Variants in SLC16A12 observed in about 807,000 individuals in gnomAD.
SLC16A12 encodes monocarboxylate transporter 12.
Under a neutral mutation model 42.4 loss-of-function variants are expected in SLC16A12, and 17 were observed. The observed-to-expected ratio is 0.40, with a 90% CI of 0.27 to 0.60. The LOEUF (loss-of-function observed/expected upper bound fraction) is 0.60. Ranked by LOEUF, SLC16A12 falls within the 20% of genes least tolerant of loss-of-function variation. The probability of loss-of-function intolerance (pLI) is 0.42; values close to 1 mark genes in which losing one functional copy is unlikely to be tolerated. For missense variants in SLC16A12, 544 were observed against 623.0 expected, an observed-to-expected ratio of 0.87 and a Z score of 1.35; for synonymous variants, 224 against 229.4, an observed-to-expected ratio of 0.98 and a Z score of 0.21.
At chr10:89,505,612 A>C (rs1322184297) in intron 2 of SLC16A12, among the ~76,000 whole-genome samples, 1 of 152,134 alleles carries the variant, frequency 6.6e-6, no homozygotes, top group African/African-American at 2.4e-5. Context: ...GAGCCGAAGC[A>C]GAGTGGGGTG....
At chr10:89,554,014 GAGAA>G (rs1564607034) in intron 2 of SLC16A12, among the ~76,000 whole-genome samples, 2 of 125,064 alleles carry the variant, frequency 1.6e-5, no homozygotes, top group East Asian at 2.4e-4. Context: ...GAAAGAAAGA[GAGAA>G]AGAAAGAGAG....
intron 2 of SLC16A12, among the ~76,000 whole-genome samples, chr10:89,547,218 T>A (rs1486760861): frequency 6.6e-6 from 1 of 152,148 alleles, no homozygotes; most frequent in Non-Finnish European, 1.5e-5. Flanking sequence ...TATAAGAGTA[T>A]AAGGGAAAAA....
chr10:89,552,222 C>T (rs536973743), intron 2 of SLC16A12, among the ~76,000 whole-genome samples: 175 of 152,324 alleles, frequency 1.1e-3, no homozygotes, highest in African/African-American at 4.0e-3. Context: ...GCGTGAGCCA[C>T]TCACGCCTGG....
chr10:89,488,730 C>A (rs189664011), intron 2 of SLC16A12, among the ~76,000 whole-genome samples: 2 of 152,324 alleles, frequency 1.3e-5, no homozygotes, highest in Non-Finnish European at 2.9e-5. Context: ...GAAGGACCAA[C>A]CCCTAACCTT....
chr10:89,495,288 A>G (rs1589705449), intron 2 of SLC16A12, among the ~76,000 whole-genome samples: 1 of 152,126 alleles, frequency 6.6e-6, no homozygotes, highest in East Asian at 1.9e-4. Flanking sequence ...TAGGAGGCGG[A>G]GGTTGCAGTA....
chr10:89,456,567 G>C (rs149044890), intron 3 of SLC16A12, among the ~76,000 whole-genome samples: 1 of 151,642 alleles, frequency 6.6e-6, no homozygotes, highest in Admixed American at 6.6e-5. Context: ...TAAGTTCTAG[G>C]TTACTTGTGC....
intron 2 of SLC16A12, among the ~76,000 whole-genome samples, chr10:89,548,588 G>C (rs1843754010): frequency 6.6e-6 from 1 of 152,140 alleles, no homozygotes; most frequent in African/African-American, 2.4e-5. Flanking sequence ...GGCTGAGGCG[G>C]GTGGATCACT....
At chr10:89,506,065 C>T (rs991449609) in intron 2 of SLC16A12, among the ~76,000 whole-genome samples, 2 of 152,318 alleles carry the variant, frequency 1.3e-5, no homozygotes, top group Admixed American at 6.5e-5. Context: ...CAAAAGGCAG[C>T]GGCCCCACTC....
intron 7 of SLC16A12, 88 bp downstream of exon 7, chr10:89,435,960 TCTCTTGACAGTC>T: frequency 6.5e-7 from 1 of 1,534,976 alleles, no homozygotes; most frequent in East Asian, 2.3e-5. Flanking sequence ...CTTCCCCAAC[TCTCTTGACAGTC>T]CTTCTCATTG....
chr10:89,439,288 C>A, intron 5 of SLC16A12, 105 bp from the exon 6 acceptor site: 1 of 1,149,284 alleles, frequency 8.7e-7, no homozygotes, highest in Admixed American at 2.4e-5. Flanking sequence ...CTCATTAAAC[C>A]CTTTTAAAGC....
intron 2 of SLC16A12, among the ~76,000 whole-genome samples, chr10:89,547,966 CAAAAA>C (rs60543445): frequency 2.5e-5 from 2 of 81,622 alleles, no homozygotes; most frequent in Admixed American, 1.5e-4. Context: ...CCAGCCTGGG[CAAAAA>C]AAAAAAAAAA....
intron 2 of SLC16A12, among the ~76,000 whole-genome samples, chr10:89,492,531 G>C (rs991254702): frequency 2.0e-5 from 3 of 152,062 alleles, no homozygotes; most frequent in Non-Finnish European, 4.4e-5. Context: ...CTGAGGTCAG[G>C]AGTTCGAGAC....
intron 2 of SLC16A12, among the ~76,000 whole-genome samples, chr10:89,473,313 G>T (rs574782598): frequency 2.2e-4 from 33 of 152,262 alleles, no homozygotes; most frequent in African/African-American, 7.9e-4. Context: ...CATTATATTA[G>T]TGGAACGGAA....
chr10:89,553,996 AAAAG>A (rs769163782), intron 2 of SLC16A12, among the ~76,000 whole-genome samples: 7 of 149,946 alleles, frequency 4.7e-5, no homozygotes, highest in East Asian at 2.0e-4. Context: ...CTCCATCTCA[AAAAG>A]AAAGAAAGAA....
chr10:89,490,978 C>A (rs1459784168), intron 2 of SLC16A12, among the ~76,000 whole-genome samples: 1 of 152,174 alleles, frequency 6.6e-6, no homozygotes, highest in Non-Finnish European at 1.5e-5. Flanking sequence ...GAACTGGAGA[C>A]AAAAACCAAA....
intron 2 of SLC16A12, among the ~76,000 whole-genome samples, chr10:89,532,342 C>T (rs1302307914): frequency 6.6e-6 from 1 of 152,164 alleles, no homozygotes; most frequent in African/African-American, 2.4e-5. Context: ...GAAATTGTGA[C>T]TGTTCCCCAA....
chr10:89,468,772 A>G lies in SLC16A12; in HGVS notation c.-46-6148T>C, dbSNP rs186016936. Among the ~76,000 whole-genome samples the G allele has an allele frequency of 6.3e-3, 955 of 152,296 alleles. 11 individuals are homozygous for G. Among genetic ancestry groups the G allele is most frequent in the Non-Finnish European group, 7.3e-3 (495 of 68,018 alleles). On this transcript the variant is annotated intron_variant, in intron 2 of 7. Coordinates refer to ENST00000371790, the MANE Select transcript of SLC16A12 (RefSeq NM_213606.4). Reference sequence around the variant, plus strand: ...ATTCTCCCACAACATTAACCTGAGCATTCTTGTAAATAATTAACCCACCTG... The same window carrying G: ...ATTCTCCCACAACATTAACCTGAGCGTTCTTGTAAATAATTAACCCACCTG...
intron 2 of SLC16A12, among the ~76,000 whole-genome samples, chr10:89,548,006 G>A (rs1417589997): frequency 6.7e-6 from 1 of 149,514 alleles, no homozygotes; most frequent in Non-Finnish European, 1.5e-5. Flanking sequence ...GCTTGAGAGA[G>A]AAGCTGGCAA....
chr10:89,493,618 C>G (rs1354503478), intron 2 of SLC16A12, among the ~76,000 whole-genome samples: 2 of 152,202 alleles, frequency 1.3e-5, no homozygotes. Context: ...TCCAAGATCA[C>G]ATAGAAATAT....
Sources: allele counts gnomAD v4.1 joint callset (sites outside exome capture counted in the v4.1 genomes callset), GRCh38; gene constraint gnomAD v4.1.1; transcripts MANE v1.5; gene names NCBI Gene and HGNC (gene_info 2026-07-23, HGNC 2026-07-21).